EMP2: variants seen among roughly 807,000 people sequenced by gnomAD.
The protein encoded by EMP2 is epithelial membrane protein 2.
EMP2 carries 19 observed loss-of-function variants against 13.7 expected under a neutral mutation model. The observed-to-expected ratio is 1.38, with a 90% CI of 0.97 to 2.03. The LOEUF (loss-of-function observed/expected upper bound fraction) is 2.03. EMP2 is among the 30% of genes most tolerant of loss of function. EMP2 has a pLI of 0.00. For synonymous variants in EMP2, 97 were observed against 84.7 expected (o/e 1.15, Z -0.80); for missense variants, 253 against 220.7 (o/e 1.15, Z -0.93).
chr16:10,537,898 C>G (rs1194247905), intron 4 of EMP2, 30 bp downstream of exon 4: 2 of 1,607,818 alleles, frequency 1.2e-6, no homozygotes, highest in East Asian at 2.2e-5. Context: ...CAGAAAGCCC[C>G]TTGTTAGGGA....
chr16:10,561,152 C>T (rs1596378835), intron 1 of EMP2, among the ~76,000 whole-genome samples: 2 of 152,184 alleles, frequency 1.3e-5, no homozygotes, highest in Admixed American at 1.3e-4. Flanking sequence ...GCAGAAGCAA[C>T]AGGACTTGAT....
chr16:10,535,517 G>A (rs1271581774), intron 4 of EMP2, among the ~76,000 whole-genome samples: 1 of 152,076 alleles, frequency 6.6e-6, no homozygotes, highest in East Asian at 1.9e-4. Flanking sequence ...GGCAGATTGC[G>A]AGACCAGCCT....
At chr16:10,548,541 A>G (rs956064389) in intron 1 of EMP2, among the ~76,000 whole-genome samples, 3 of 152,044 alleles carry the variant, frequency 2.0e-5, no homozygotes, top group Non-Finnish European at 4.4e-5. Context: ...AAACATTTGG[A>G]AAACTAGCCT....
chr16:10,538,138 A>T, intron 3 of EMP2, 64 bp from the exon 4 acceptor site: 1 of 1,577,518 alleles, frequency 6.3e-7, no homozygotes, highest in Non-Finnish European at 8.7e-7. Context: ...TGGGGTACAC[A>T]GCGACCGCAG....
At chr16:10,553,978 C>G (rs8048500) in intron 1 of EMP2, among the ~76,000 whole-genome samples, 14,226 of 152,044 alleles carry the variant, frequency 0.094, 1,117 homozygotes, top group African/African-American at 0.21. Context: ...CATACTGTGT[C>G]AGCCCTGATC....
At chr16:10,548,011 G>A (rs1011544373) in intron 1 of EMP2, among the ~76,000 whole-genome samples, 20 of 146,404 alleles carry the variant, frequency 1.4e-4, no homozygotes, top group African/African-American at 5.0e-4. Flanking sequence ...TCCAGCCTGG[G>A]CAACAAAGCA....
rs189594478 is a variant in EMP2 at position 10,572,549 on chromosome 16, T to C, written c.-61+8000A>G. Among the ~76,000 whole-genome samples, 361 of 152,314 alleles carry C rather than the reference T, an allele frequency of 2.4e-3. 1 individual carries two copies. The highest frequency in any genetic ancestry group is 8.1e-3 in the African/African-American group (336 of 41,576). ...AGGGGCCGAGTCCATCTTTGTTCAC[T>C]ACCCGGCACATAGTAAGCGGCCAAT... is the stretch of plus-strand genomic sequence containing the variant. On this transcript the variant is annotated intron_variant, in intron 1 of 4. Coordinates refer to ENST00000359543, the MANE Select transcript of EMP2 (RefSeq NM_001424.6).
In EMP2 at chr16:10,580,504, GC is replaced by G. The variant is rs961802320; in HGVS notation, c.-61+44del. ...CTGCCCGGGCGTACACGATCCCGGG[GC>G]CCCCCCGATGTCGCCCCGCGCCCTG... On this transcript the variant is annotated intron_variant, in intron 1 of 4. Transcript: ENST00000359543. The surrounding 1 kb of genome is among the most constrained non-coding windows in gnomAD (Gnocchi z 4.3). The G allele has an allele frequency of 1.3e-5, 2 of 152,224 alleles. No homozygotes were observed. The highest frequency in any genetic ancestry group is 6.5e-5 in the Admixed American group (1 of 15,280). The allele number at this position is 152,224 out of a possible 1,614,324, so 9.4% of individuals were successfully genotyped here. A position where few individuals can be genotyped will look rare whatever the true frequency, so the allele number is the denominator to read the frequency against.
chr16:10,543,233 T>TA (rs1443096483), intron 3 of EMP2, among the ~76,000 whole-genome samples: 1 of 150,856 alleles, frequency 6.6e-6, no homozygotes, highest in African/African-American at 2.5e-5. Context: ...AAGGCTTGGA[T>TA]AAAAAAAGAA....
At chr16:10,547,755 G>A (rs543977438) in intron 1 of EMP2, 78 bp from the exon 2 acceptor site, 5 of 826,222 alleles carry the variant, frequency 6.1e-6, no homozygotes, top group Admixed American at 5.2e-5. Context: ...ACACCTTTTA[G>A]CTGGGCGTGG....
intron 1 of EMP2, among the ~76,000 whole-genome samples, chr16:10,559,403 G>A (rs919997655): frequency 6.6e-6 from 1 of 152,216 alleles, no homozygotes; most frequent in African/African-American, 2.4e-5. Context: ...TGGAGCTCTG[G>A]GCACAAAGTC....
chr16:10,567,734 C>CAT (rs1171366155), intron 1 of EMP2, among the ~76,000 whole-genome samples: 2 of 152,198 alleles, frequency 1.3e-5, no homozygotes, highest in Non-Finnish European at 1.5e-5. Context: ...GTAACACCCT[C>CAT]ATACAGCAAA....
chr16:10,536,555 C>T (rs1461665132), intron 4 of EMP2, among the ~76,000 whole-genome samples: 3 of 152,186 alleles, frequency 2.0e-5, no homozygotes, highest in South Asian at 2.1e-4. Context: ...TTGTCTTCCG[C>T]CATGACTGTG....
intron 1 of EMP2, among the ~76,000 whole-genome samples, chr16:10,552,944 G>A (rs2050799192): frequency 6.6e-6 from 1 of 152,188 alleles, no homozygotes; most frequent in Non-Finnish European, 1.5e-5. Flanking sequence ...TAAAGGAAAT[G>A]GCAGTTAGAG....
At chr16:10,533,334 A>G (rs1184335697) in intron 4 of EMP2, among the ~76,000 whole-genome samples, 2 of 152,202 alleles carry the variant, frequency 1.3e-5, no homozygotes, top group Non-Finnish European at 2.9e-5. Flanking sequence ...CACCGCGTGC[A>G]GCCTTAAGCT....
chr16:10,577,856 G>A (rs2050994436), intron 1 of EMP2, among the ~76,000 whole-genome samples: 1 of 151,842 alleles, frequency 6.6e-6, no homozygotes, highest in African/African-American at 2.4e-5. Context: ...CGTGGCTGGA[G>A]AGCCCTGCCC....
At chr16:10,578,611 G>A (rs937936680) in intron 1 of EMP2, among the ~76,000 whole-genome samples, 1 of 152,302 alleles carries the variant, frequency 6.6e-6, no homozygotes, top group Non-Finnish European at 1.5e-5. Flanking sequence ...GGACGCTTCC[G>A]CCTGGCCCTG....
intron 1 of EMP2, chr16:10,576,511 G>A (rs1260517018): frequency 6.6e-5 from 10 of 151,760 alleles, no homozygotes; most frequent in Non-Finnish European, 1.0e-4. Context: ...GCATGGTGAT[G>A]GCGATTTTGC....
chr16:10,535,690 A>C (rs1022271452), intron 4 of EMP2, among the ~76,000 whole-genome samples: 3 of 152,172 alleles, frequency 2.0e-5, no homozygotes, highest in African/African-American at 2.4e-5. Context: ...AGCCCGGGCA[A>C]CAGAGTAACC....
Sources: gnomAD v4.1 joint callset for allele counts (sites outside exome capture counted in the v4.1 genomes callset) on GRCh38, gnomAD v4.1.1 for gene constraint, Gnocchi (gnomAD v3.1) non-coding constraint, MANE v1.5 for transcripts, NCBI Gene and HGNC (gene_info 2026-07-23, HGNC 2026-07-21) for gene names.